Variants in TECTA observed in about 807,000 individuals in gnomAD.
TECTA encodes the protein alpha-tectorin.
TECTA carries 128 observed loss-of-function variants against 216.8 expected under a neutral mutation model. That is an observed-to-expected ratio of 0.59 (90% CI 0.51 to 0.68). TECTA has a LOEUF of 0.68. Among genes scored for constraint, TECTA ranks in the 30% least tolerant of loss-of-function variants. The pLI is 0.00. For missense variants in TECTA, 2,551 were observed against 2,786.2 expected (o/e 0.92, Z 1.90); for synonymous variants, 1,089 against 1,117.1 (o/e 0.97, Z 0.50).
intron 13 of TECTA, among the ~76,000 whole-genome samples, chr11:121,154,553 G>C (rs1946923230): frequency 6.6e-6 from 1 of 152,194 alleles, no homozygotes; most frequent in Non-Finnish European, 1.5e-5. Context: ...CCAGCCCGGA[G>C]ACTTACCAAA....
chr11:121,109,766 C>T (rs1946426078), intron 4 of TECTA: 6 of 461,178 alleles, frequency 1.3e-5, no homozygotes, highest in Non-Finnish European at 2.4e-5. Context: ...AACTTTCCTG[C>T]TGTAAGTGAC....
At chr11:121,163,769 G>A (rs369558144) in intron 16 of TECTA, among the ~76,000 whole-genome samples, 150 of 152,270 alleles carry the variant, frequency 9.9e-4, no homozygotes, top group African/African-American at 3.4e-3. Flanking sequence ...GGACCACCAC[G>A]TTTGTAAATA....
At chr11:121,124,523 A>G (rs1415762656) in intron 7 of TECTA, among the ~76,000 whole-genome samples, 2 of 152,138 alleles carry the variant, frequency 1.3e-5, no homozygotes, top group Non-Finnish European at 2.9e-5. Flanking sequence ...TGATTCCCCT[A>G]TGCTGGATTC....
At position 121,113,310 on chromosome 11, in the gene TECTA, T is replaced by G; in HGVS notation, c.624+101T>G. 1 of 1,591,632 alleles carries G rather than the reference T, an allele frequency of 6.3e-7. No homozygotes were observed. The highest frequency in any genetic ancestry group is 1.7e-5 in the Admixed American group (1 of 59,900). ...GGGAATCCTGCCACCAGCTTTTAAC[T>G]AGAGACGCAGGTCTGATCTCGCAGG... On this transcript the variant is annotated intron_variant, in intron 5 of 23. Transcript: ENST00000392793. This position sits in a 1 kb window ranked among gnomAD's most constrained non-coding sequence, Gnocchi z 4.2.
intron 2 of TECTA, among the ~76,000 whole-genome samples, chr11:121,103,732 A>T (rs967999486): frequency 2.0e-5 from 3 of 152,058 alleles, no homozygotes; most frequent in Non-Finnish European, 4.4e-5. Flanking sequence ...AAAAATAATA[A>T]TGGCTTCTGC....
intron 15 of TECTA, among the ~76,000 whole-genome samples, chr11:121,161,533 C>A (rs1946998016): frequency 4.3e-5 from 1 of 23,498 alleles, no homozygotes; most frequent in Non-Finnish European, 9.4e-5. Flanking sequence ...CTCCCTCCTT[C>A]CCTCCCTCCT....
Position 121,125,807 on chromosome 11 carries a change from C to T in TECTA, c.1709C>T (p.Ala570Val). 6.2e-7 allele frequency: 1 copy of T among 1,613,912 alleles called. No homozygotes were observed. Among genetic ancestry groups the T allele is most frequent in the Non-Finnish European group, 8.5e-7 (1 of 1,180,044 alleles). ...NGTLLCQAIQAYALVCQALGI... is the reference protein window; with the variant it reads ...NGTLLCQAIQVYALVCQALGI... Reference sequence around the variant, plus strand: ...ACGCTCCTCTGCCAAGCCATCCAGGCCTATGCTCTTGTGTGCCAAGCCCTT... The same window carrying T: ...ACGCTCCTCTGCCAAGCCATCCAGGTCTATGCTCTTGTGTGCCAAGCCCTT... The change falls in exon 8 of 24, where the codon GCC becomes GTC. Residue 570 changes from alanine to valine, a missense_variant. Ala to Val is a moderately conservative substitution (Grantham distance 64). Transcript: ENST00000392793.
intron 16 of TECTA, among the ~76,000 whole-genome samples, chr11:121,164,322 CTT>C (rs1448287764): frequency 6.6e-6 from 1 of 152,092 alleles, no homozygotes; most frequent in African/African-American, 2.4e-5. Flanking sequence ...TTTTAAAACT[CTT>C]TTTAAAAAAA....
In TECTA at chr11:121,125,484, A is replaced by T; in HGVS notation, c.1386A>T (p.Gly462=). The T allele has an allele frequency of 6.2e-7, 1 of 1,614,144 alleles. No homozygotes were observed. The highest frequency in any genetic ancestry group is 8.5e-7 in the Non-Finnish European group (1 of 1,180,018). The change falls in exon 8 of 24, where the codon GGA becomes GGT. Residue 462 remains glycine, a synonymous_variant. Coordinates refer to ENST00000392793, the MANE Select transcript of TECTA (RefSeq NM_005422.4). The part of the protein sequence containing the change: ...SYINSTCGLC[G]NYNKNPLDDF... ...TAAACTCCACCTGTGGACTCTGTGGAAACTATAATAAAAACCCACTGGATG... is the reference window on the plus strand; with the variant it reads ...TAAACTCCACCTGTGGACTCTGTGGTAACTATAATAAAAACCCACTGGATG...
intron 6 of TECTA, among the ~76,000 whole-genome samples, chr11:121,114,903 A>G (rs569719371): frequency 1.8e-5 from 1 of 55,864 alleles, no homozygotes; most frequent in Non-Finnish European, 3.1e-5. Context: ...CTACCCATCC[A>G]TCCATTCATC....
At chr11:121,158,261 G>A (rs777752169) in intron 14 of TECTA, 37 bp downstream of exon 14, 2 of 1,605,138 alleles carry the variant, frequency 1.2e-6, no homozygotes, top group African/African-American at 1.3e-5. Flanking sequence ...GAAGGGGCCC[G>A]GAAACAAGGG....
chr11:121,113,333 A>G lies in TECTA; in HGVS notation c.624+124A>G. 1 of 1,557,950 alleles carries G rather than the reference A, an allele frequency of 6.4e-7. No homozygotes were observed. The highest frequency in any genetic ancestry group is 1.1e-5 in the South Asian group (1 of 88,438). The stretch of plus-strand genomic sequence containing the variant: ...ACTAGAGACGCAGGTCTGATCTCGC[A>G]GGTGGACTACGAGGCTAGTCCTGCC... On this transcript the variant is annotated intron_variant, in intron 5 of 23. Transcript: ENST00000392793. This position sits in a 1 kb window ranked among gnomAD's most constrained non-coding sequence, Gnocchi z 4.2.
chr11:121,128,190 C>A lies in TECTA; in HGVS notation c.2213C>A (p.Thr738Asn). ...GCCTTCCCCTCCGAGTTCTCCTACA[C>A]CCTCCTGAAGACCTGCCCTGAGCGC... Reference protein sequence around the residue: ...SYAFPSEFSYTLLKTCPERPE... With the variant: ...SYAFPSEFSYNLLKTCPERPE... The change falls in exon 9 of 24, where the codon ACC becomes AAC. Residue 738 changes from threonine (T) to asparagine (N), a missense_variant. Transcript: ENST00000392793. 1 of 1,607,630 alleles carries A rather than the reference C, an allele frequency of 6.2e-7. No homozygotes were observed. Among genetic ancestry groups the A allele is most frequent in the Admixed American group, 1.7e-5 (1 of 60,032 alleles).
At chr11:121,156,319 C>A (rs1220664092) in intron 13 of TECTA, among the ~76,000 whole-genome samples, 1 of 152,032 alleles carries the variant, frequency 6.6e-6, no homozygotes, top group Non-Finnish European at 1.5e-5. Context: ...GGACTACAGG[C>A]ATGCACTACC....
At chr11:121,175,027 C>T (rs911657582) in intron 20 of TECTA, among the ~76,000 whole-genome samples, 9 of 152,148 alleles carry the variant, frequency 5.9e-5, no homozygotes, top group Non-Finnish European at 8.8e-5. Flanking sequence ...TCTGTGGGAT[C>T]GGTGGTGATA....
At position 121,101,640 on chromosome 11, in the gene TECTA, A is replaced by G. The variant is rs78187071; in HGVS notation, c.-2+198A>G. Among the ~76,000 whole-genome samples the G allele has an allele frequency of 7.4e-3, 1,124 of 152,350 alleles. 7 individuals are homozygous for G. Among genetic ancestry groups the G allele is most frequent in the South Asian group, 0.032 (155 of 4,828 alleles). On this transcript the variant is annotated intron_variant, in intron 1 of 23. Transcript: ENST00000392793. ...ATATGTGCTTGAAATTACAACATAT[A>G]TACTTGACAACTAAAGATTTGCAAT... is the stretch of plus-strand genomic sequence containing the variant.
chr11:121,149,244 G>A (rs558715618), intron 12 of TECTA, among the ~76,000 whole-genome samples: 1 of 152,206 alleles, frequency 6.6e-6, no homozygotes, highest in Non-Finnish European at 1.5e-5. Context: ...CTGCCTCTCT[G>A]AGCCTGGTCA....
intron 17 of TECTA, 124 bp from the exon 18 acceptor site, chr11:121,166,454 C>A: frequency 2.2e-6 from 2 of 929,934 alleles, no homozygotes; most frequent in Non-Finnish European, 3.4e-6. Context: ...ATTAGAAATG[C>A]TGCAGCCTTG....
chr11:121,167,402 A>T (rs903166757), intron 18 of TECTA, among the ~76,000 whole-genome samples: 3 of 152,228 alleles, frequency 2.0e-5, no homozygotes, highest in African/African-American at 7.2e-5. Context: ...ACGGCACTCC[A>T]TCCTGGGTGA....
Sources: gnomAD v4.1 joint callset for allele counts (sites outside exome capture counted in the v4.1 genomes callset) on GRCh38, gnomAD v4.1.1 for gene constraint, Gnocchi (gnomAD v3.1) non-coding constraint, MANE v1.5 for transcripts, NCBI Gene and HGNC (gene_info 2026-07-23, HGNC 2026-07-21) for gene names.